Variants in SF3A1 observed in about 807,000 individuals in gnomAD.
SF3A1 encodes the protein splicing factor 3a subunit 1.
Under a neutral mutation model 89.9 loss-of-function variants are expected in SF3A1, and 13 were observed. The observed-to-expected ratio is 0.14, with a 90% CI of 0.09 to 0.23. SF3A1 has a LOEUF of 0.23. SF3A1 is among the 10% of genes least tolerant of loss of function. The pLI is 1.00. For missense variants in SF3A1, 604 were observed against 1,022.1 expected, an observed-to-expected ratio of 0.59 and a Z score of 5.58; for synonymous variants, 405 against 374.4, an observed-to-expected ratio of 1.08 and a Z score of -0.94.
At chr22:30,338,013 T>C in intron 11 of SF3A1, 116 bp from the exon 12 acceptor site, 1 of 765,230 alleles carries the variant, frequency 1.3e-6, no homozygotes, top group African/African-American at 1.7e-5. Flanking sequence ...AACTACGTCC[T>C]GGCCCCCTGG....
At position 30,334,030 on chromosome 22, in the gene SF3A1, T is replaced by TC. The variant is rs1930991272; in HGVS notation, c.*563dup. ...TTTAAAAGGGCAATACGAATATGAT[T>TC]CTAATACATAAAAAGTATGAGGGCA... On this transcript the variant is annotated 3_prime_UTR_variant, in exon 16 of 16. Coordinates refer to ENST00000215793, the MANE Select transcript of SF3A1 (RefSeq NM_005877.6). 6.6e-6 allele frequency: 1 copy of TC among 152,266 alleles called. No homozygotes were observed. The highest frequency in any genetic ancestry group is 6.5e-5 in the Admixed American group (1 of 15,282). 9.4% of individuals were successfully genotyped at this position (152,266 alleles called of 1,614,324 possible).
intron 4 of SF3A1, 150 bp downstream of exon 4, chr22:30,344,783 G>T: frequency 2.2e-6 from 2 of 897,052 alleles, no homozygotes; most frequent in Non-Finnish European, 3.4e-6. Flanking sequence ...AGAAATCAAG[G>T]TTTTACATTA....
intron 4 of SF3A1, among the ~76,000 whole-genome samples, chr22:30,343,979 G>T (rs979538968): frequency 1.3e-5 from 2 of 152,208 alleles, no homozygotes; most frequent in Non-Finnish European, 2.9e-5. Flanking sequence ...CCACTGTAAA[G>T]GGAAGGAAAA....
chr22:30,335,335 T>TTAG, intron 15 of SF3A1, 132 bp downstream of exon 15: 1 of 800,242 alleles, frequency 1.2e-6, no homozygotes. Flanking sequence ...GCATCATGAC[T>TTAG]TCTAGGATGG....
At chr22:30,346,674 G>A (rs1051255899) in intron 2 of SF3A1, among the ~76,000 whole-genome samples, 155 bp from the exon 3 acceptor site, 1 of 152,010 alleles carries the variant, frequency 6.6e-6, no homozygotes, top group Admixed American at 6.6e-5. Flanking sequence ...TGGCATTGGC[G>A]ATCAGTGCCA....
chr22:30,336,992 C>T, intron 13 of SF3A1, 34 bp downstream of exon 13: 13 of 1,613,796 alleles, frequency 8.1e-6, no homozygotes, highest in Non-Finnish European at 1.1e-5. Flanking sequence ...AACCCTCCAG[C>T]TAGAAACTTC....
At chr22:30,356,426 A>C (rs1931846732) in intron 1 of SF3A1, among the ~76,000 whole-genome samples, 1 of 152,254 alleles carries the variant, frequency 6.6e-6, no homozygotes, top group Non-Finnish European at 1.5e-5. Context: ...GCACTTATAA[A>C]TCAATCACCT....
rs375301118 is a variant in SF3A1 at position 30,334,543 on chromosome 22, G to A, written c.*51C>T. ...GGCTCCTGGGTCTGGGGCAGGGGGTGGGAGACAGGAGAGGCAAAATGGCAG... is the reference window on the plus strand; with the variant it reads ...GGCTCCTGGGTCTGGGGCAGGGGGTAGGAGACAGGAGAGGCAAAATGGCAG... On this transcript the variant is annotated 3_prime_UTR_variant, in exon 16 of 16. Transcript: ENST00000215793. The A allele has an allele frequency of 7.4e-6, 9 of 1,208,252 alleles. No homozygotes were observed. The African/African-American group carries it at 1.1e-4, about 15-fold the overall frequency. 74.8% of individuals were successfully genotyped at this position (1,208,252 alleles called of 1,614,324 possible).
At chr22:30,349,902 C>A (rs1482812740) in intron 2 of SF3A1, among the ~76,000 whole-genome samples, 2 of 152,038 alleles carry the variant, frequency 1.3e-5, no homozygotes, top group Non-Finnish European at 2.9e-5. Flanking sequence ...ACCCTGGCCT[C>A]CCAAAGTGCT....
chr22:30,347,184 C>G (rs887683969), intron 2 of SF3A1, among the ~76,000 whole-genome samples: 2 of 152,072 alleles, frequency 1.3e-5, no homozygotes, highest in Non-Finnish European at 2.9e-5. Flanking sequence ...CTAGTCCCAG[C>G]TACTCAGGAG....
intron 1 of SF3A1, among the ~76,000 whole-genome samples, chr22:30,355,810 C>G (rs1931786723): frequency 1.1e-5 from 1 of 90,144 alleles, no homozygotes; most frequent in Admixed American, 1.2e-4. Flanking sequence ...CTTCTTCAGT[C>G]ATGTTCCCCC....
At chr22:30,356,682 G>A (rs1931869324) in intron 1 of SF3A1, 48 bp downstream of exon 1, 6 of 1,374,808 alleles carry the variant, frequency 4.4e-6, no homozygotes, top group South Asian at 2.9e-5. Flanking sequence ...AGTAAGGAGC[G>A]CCCAGGCCAA....
Position 30,340,329 on chromosome 22 carries a change from G to A in SF3A1, c.1242C>T (p.Pro414=), listed in dbSNP as rs538666018. The A allele has an allele frequency of 2.5e-6, 4 of 1,612,444 alleles. No individual in the cohort carries two copies. The Admixed American group carries it at 6.7e-5, about 27-fold the overall frequency. Residue 414 remains proline (P), a synonymous_variant, in exon 9 of 16, where the codon CCC becomes CCT. Coordinates refer to ENST00000215793, the MANE Select transcript of SF3A1 (RefSeq NM_005877.6). ...APAPDEYLVS[P]ITGEKIPASK... ...TGGCGGGGATCTTCTCCCCAGTAAT[G>A]GGGGACACAAGATACTCATCTGGAG...
At chr22:30,338,694 C>A in intron 11 of SF3A1, 95 bp downstream of exon 11, 2 of 1,500,404 alleles carry the variant, frequency 1.3e-6, no homozygotes, top group Non-Finnish European at 1.8e-6. Context: ...AACACTCAGG[C>A]CCCACTAAAA....
chr22:30,338,249 G>A (rs1273314030), intron 11 of SF3A1, among the ~76,000 whole-genome samples: 1 of 152,020 alleles, frequency 6.6e-6, no homozygotes, highest in Non-Finnish European at 1.5e-5. Context: ...ACCGGAGGTC[G>A]GGAGTTCGAG....
chr22:30,335,047 T>C (rs2145799365), intron 15 of SF3A1, among the ~76,000 whole-genome samples: 1 of 152,298 alleles, frequency 6.6e-6, no homozygotes, highest in South Asian at 2.1e-4. Context: ...GAGCAGGGAT[T>C]TGTTCAAGTT....
Position 30,351,674 on chromosome 22 carries a change from A to AT in SF3A1, c.185+1276dup, listed in dbSNP as rs1479018317. ...TGCCACCACAGCCAGATAACTTTTT[A>AT]TTTTTTGTAGACAGGGTCTCACTAT... On this transcript the variant is annotated intron_variant, in intron 2 of 15. Transcript: ENST00000215793. Among the ~76,000 whole-genome samples the AT allele has an allele frequency of 2.6e-5, 4 of 151,988 alleles. No individual in the cohort carries two copies. The East Asian group carries it at 7.7e-4, about 29-fold the overall frequency.
In SF3A1 at chr22:30,333,974, C is replaced by T. The variant is rs750103357; in HGVS notation, c.*620G>A. On this transcript the variant is annotated 3_prime_UTR_variant, in exon 16 of 16. Transcript: ENST00000215793. ...ATGCTTCCTGTATTACTGTTAAATA[C>T]ATGGGGCAGGCCTTTGGAGGATCCC... 6.6e-6 allele frequency: 1 copy of T among 152,132 alleles called. No individual in the cohort carries two copies. The highest frequency in any genetic ancestry group is 1.5e-5 in the Non-Finnish European group (1 of 68,026). 9.4% of individuals were successfully genotyped at this position (152,132 alleles called of 1,614,324 possible). A position where few individuals can be genotyped will look rare whatever the true frequency, so the allele number is the denominator to read the frequency against.
Position 30,355,319 on chromosome 22 carries a change from T to A in SF3A1, c.63+1411A>T, listed in dbSNP as rs1931749602. Among the ~76,000 whole-genome samples, 6 of 152,186 alleles carry A rather than the reference T, an allele frequency of 3.9e-5. No individual in the cohort carries two copies. The South Asian group carries it at 1.2e-3, about 32-fold the overall frequency. ...AGCCACTGGACCCGGCCAAGAACTC[T>A]TAATATCTCCACATTACAGATGACA... On this transcript the variant is annotated intron_variant, in intron 1 of 15. Transcript: ENST00000215793.
Sources: allele counts gnomAD v4.1 joint callset (sites outside exome capture counted in the v4.1 genomes callset), GRCh38; gene constraint gnomAD v4.1.1; transcripts MANE v1.5; gene names NCBI Gene and HGNC (gene_info 2026-07-23, HGNC 2026-07-21).